GALNTL6: variants seen among roughly 807,000 people sequenced by gnomAD.
The protein encoded by GALNTL6 is polypeptide N-acetylgalactosaminyltransferase-like 6.
In GALNTL6, 46 loss-of-function variants were observed where a neutral mutation model predicts 73.7. The observed-to-expected ratio is 0.62, with a 90% CI of 0.49 to 0.80. GALNTL6 has a LOEUF of 0.80. Among genes scored for constraint, GALNTL6 ranks in the 30% least tolerant of loss-of-function variants. The pLI is 0.00. For synonymous variants in GALNTL6, 259 were observed against 263.7 expected (o/e 0.98, Z 0.17); for missense variants, 604 against 755.0 (o/e 0.80, Z 2.34).
chr4:172,675,286 A>T (rs1560872655), intron 5 of GALNTL6, among the ~76,000 whole-genome samples: 1 of 152,080 alleles, frequency 6.6e-6, no homozygotes, highest in Non-Finnish European at 1.5e-5. Flanking sequence ...AACTCTGGGG[A>T]ACTTGTATTG....
At chr4:171,979,725 A>C (rs1739836295) in intron 2 of GALNTL6, among the ~76,000 whole-genome samples, 1 of 152,218 alleles carries the variant, frequency 6.6e-6, no homozygotes, top group Non-Finnish European at 1.5e-5. Context: ...GGGAGAGTGG[A>C]ATCTGCAGGG....
intron 2 of GALNTL6, among the ~76,000 whole-genome samples, chr4:171,953,116 A>G (rs572622169): frequency 6.1e-4 from 93 of 152,314 alleles, no homozygotes; most frequent in African/African-American, 2.2e-3. Flanking sequence ...AGGCAATGAA[A>G]AAAAGGGCTA....
At chr4:172,356,050 A>G (rs1742143949) in intron 5 of GALNTL6, among the ~76,000 whole-genome samples, 3 of 152,170 alleles carry the variant, frequency 2.0e-5, no homozygotes, top group Admixed American at 1.3e-4. Context: ...TTGTGTAGGA[A>G]AATTCCACAT....
intron 7 of GALNTL6, among the ~76,000 whole-genome samples, chr4:172,816,277 C>G (rs1344893538): frequency 6.6e-6 from 1 of 152,186 alleles, no homozygotes; most frequent in African/African-American, 2.4e-5. Context: ...CTTTCTGTAG[C>G]AAGTTTATCA....
rs150298931 is a variant in GALNTL6 at position 172,788,405 on chromosome 4, G to C, written c.554-20956G>C. ...ATAGATAGATGGGCCGGGCGCGGTG[G>C]CTCACACCTGTAATCACAGCACTTT... On this transcript the variant is annotated intron_variant, in intron 5 of 12. Coordinates refer to ENST00000506823, the MANE Select transcript of GALNTL6 (RefSeq NM_001034845.3). Among the ~76,000 whole-genome samples the C allele has an allele frequency of 7.6e-3, 1,152 of 152,088 alleles. 12 individuals carry two copies. The highest frequency in any genetic ancestry group is 0.026 in the African/African-American group (1,094 of 41,490).
intron 5 of GALNTL6, among the ~76,000 whole-genome samples, chr4:172,705,221 T>TGTTG (rs1553975293): frequency 2.0e-5 from 3 of 147,362 alleles, no homozygotes; most frequent in African/African-American, 8.0e-5. Context: ...CTATTTTTTT[T>TGTTG]TTGTTTTATG....
chr4:171,902,816 C>G (rs1560833194), intron 2 of GALNTL6, among the ~76,000 whole-genome samples: 1 of 151,870 alleles, frequency 6.6e-6, no homozygotes, highest in Non-Finnish European at 1.5e-5. Flanking sequence ...CTTGGAGGGA[C>G]AGAAAATGGA....
rs76198246 is a variant in GALNTL6 at position 172,222,441 on chromosome 4, G to A, written c.139-7215G>A. ...ATAATAAAAGTGAACTTTACTATATGATAAAATTTCACCCTGTAATTTGTG... is the reference window on the plus strand; with the variant it reads ...ATAATAAAAGTGAACTTTACTATATAATAAAATTTCACCCTGTAATTTGTG... On this transcript the variant is annotated intron_variant, in intron 2 of 12. Coordinates refer to ENST00000506823, the MANE Select transcript of GALNTL6 (RefSeq NM_001034845.3). 4.1e-3 allele frequency among the ~76,000 whole-genome samples: 616 copies of A among 152,048 alleles called. 6 individuals carry two copies. The highest frequency in any genetic ancestry group is 0.014 in the African/African-American group (579 of 41,542).
At position 171,951,015 on chromosome 4, in the gene GALNTL6, T is replaced by G. The variant is rs573598713; in HGVS notation, c.138+136297T>G. ...ACATGGAAAGTATAAAATTAAGTTA[T>G]AGAAACATATCCAAGTGTATCAGTC... is the stretch of plus-strand genomic sequence containing the variant. On this transcript the variant is annotated intron_variant, in intron 2 of 12. Coordinates refer to ENST00000506823, the MANE Select transcript of GALNTL6 (RefSeq NM_001034845.3). 2.6e-5 allele frequency among the ~76,000 whole-genome samples: 4 copies of G among 152,118 alleles called. No individual in the cohort carries two copies. In the East Asian group the frequency reaches 7.7e-4, roughly 29 times the overall value.
chr4:172,227,694 T>C (rs867999373), intron 2 of GALNTL6, among the ~76,000 whole-genome samples: 1 of 152,230 alleles, frequency 6.6e-6, no homozygotes, highest in South Asian at 2.1e-4. Flanking sequence ...TCTTCTTTCC[T>C]GATGCATCTG....
chr4:172,314,774 A>C (rs1466235698), intron 4 of GALNTL6, among the ~76,000 whole-genome samples: 1 of 151,568 alleles, frequency 6.6e-6, no homozygotes, highest in African/African-American at 2.4e-5. Flanking sequence ...AGCCTGGCTA[A>C]ATTTTTTGTA....
chr4:171,944,804 A>G (rs1738654821), intron 2 of GALNTL6, among the ~76,000 whole-genome samples: 1 of 151,560 alleles, frequency 6.6e-6, no homozygotes, highest in Non-Finnish European at 1.5e-5. Flanking sequence ...TGCATTATAC[A>G]AAGATACTTA....
At chr4:172,934,269 G>A (rs750549009) in intron 9 of GALNTL6, among the ~76,000 whole-genome samples, 4 of 152,098 alleles carry the variant, frequency 2.6e-5, no homozygotes, top group Non-Finnish European at 5.9e-5. Context: ...CTGAATTAAC[G>A]AGTTTCATAT....
At chr4:172,112,435 T>C (rs573230126) in intron 2 of GALNTL6, among the ~76,000 whole-genome samples, 5 of 152,114 alleles carry the variant, frequency 3.3e-5, no homozygotes, top group East Asian at 1.9e-4. Context: ...CTAAATCCTA[T>C]GGTAAGGGTA....
intron 2 of GALNTL6, among the ~76,000 whole-genome samples, chr4:171,897,696 G>C (rs796642965): frequency 7.9e-4 from 120 of 151,578 alleles, no homozygotes; most frequent in African/African-American, 2.9e-3. Context: ...TGTCGCCCAG[G>C]CTGGAGTGCA....
chr4:172,557,095 T>G (rs534920121), intron 5 of GALNTL6, among the ~76,000 whole-genome samples: 1 of 152,266 alleles, frequency 6.6e-6, no homozygotes, highest in Non-Finnish European at 1.5e-5. Context: ...AAAACTTATG[T>G]AACCCTTTCG....
At chr4:172,546,714 A>G (rs904856150) in intron 5 of GALNTL6, among the ~76,000 whole-genome samples, 12 of 149,432 alleles carry the variant, frequency 8.0e-5, no homozygotes. Context: ...AGTCCCTTAG[A>G]TTCAAGTGTG....
intron 2 of GALNTL6, among the ~76,000 whole-genome samples, chr4:172,191,287 C>T (rs903068487): frequency 1.3e-5 from 2 of 152,176 alleles, no homozygotes; most frequent in East Asian, 1.9e-4. Flanking sequence ...TCTCAAAGTC[C>T]GTTGCTGCCC....
intron 5 of GALNTL6, among the ~76,000 whole-genome samples, chr4:172,588,527 T>C (rs1406949554): frequency 2.0e-5 from 3 of 147,590 alleles, no homozygotes; most frequent in Admixed American, 6.8e-5. Flanking sequence ...CCGGGGACCC[T>C]GTCTCAAAAA....
Sources: gnomAD v4.1 joint callset for allele counts (sites outside exome capture counted in the v4.1 genomes callset) on GRCh38, gnomAD v4.1.1 for gene constraint, MANE v1.5 for transcripts, NCBI Gene and HGNC (gene_info 2026-07-23, HGNC 2026-07-21) for gene names.